The following AR variants were observed in gnomAD, a reference collection of about 807,000 sequenced individuals.
The protein encoded by AR is androgen receptor.
A neutral mutation model predicts 53.9 loss-of-function variants in AR; 8 were observed. That is an observed-to-expected ratio of 0.15 (90% CI 0.09 to 0.27). The LOEUF (loss-of-function observed/expected upper bound fraction) is 0.27, where lower values mean the gene tolerates loss of function less well. Ranked by LOEUF, AR falls within the 10% of genes least tolerant of loss-of-function variation. The probability of loss-of-function intolerance (pLI) is 1.00; values close to 1 mark genes in which losing one functional copy is unlikely to be tolerated. For synonymous variants in AR, 359 were observed against 316.4 expected (o/e 1.13, Z -1.43); for missense variants, 639 against 742.5 (o/e 0.86, Z 1.62).
At chrX:67,659,091 C>A (rs1028525295) in intron 2 of AR, among the ~76,000 whole-genome samples, 2 of 110,749 alleles carry the variant, frequency 1.8e-5, no homozygotes, top group African/African-American at 6.6e-5. Flanking sequence ...AAAAGAAAGG[C>A]CTCCTATGTT....
At chrX:67,630,494 A>G (rs1310980793) in intron 1 of AR, among the ~76,000 whole-genome samples, 6 of 110,536 alleles carry the variant, frequency 5.4e-5, no homozygotes, top group African/African-American at 1.7e-4. Context: ...TTTGCTTGGT[A>G]GATCTTCCTC....
chrX:67,687,636 C>T (rs1199716931), intron 3 of AR, among the ~76,000 whole-genome samples: 1 of 111,653 alleles, frequency 9.0e-6, no homozygotes, highest in Admixed American at 9.5e-5. Context: ...AAGTGATTGA[C>T]AAGAAAAAAT....
At chrX:67,675,153 G>T (rs1469517614) in intron 2 of AR, among the ~76,000 whole-genome samples, 2 of 109,191 alleles carry the variant, frequency 1.8e-5, no homozygotes, top group Non-Finnish European at 3.8e-5. Context: ...TACTGTGGCT[G>T]ATGTAGTATC....
In AR at chrX:67,728,615, A is replaced by ATATATATATATATATT. The variant is rs1555999011; in HGVS notation, c.*4774_*4775insTATATATATATATATT. 7 of 92,871 alleles carry ATATATATATATATATT rather than the reference A, an allele frequency of 7.5e-5. No individual in the cohort carries two copies. Among genetic ancestry groups the ATATATATATATATATT allele is most frequent in the Non-Finnish European group, 1.3e-4 (6 of 47,869 alleles). 7.7% of individuals were successfully genotyped at this position (92,871 alleles called of 1,213,427 possible). ...TATATATATATATATATATATATAT[A>ATATATATATATATATT]GTGTGTGTGTGTGTTCTGATAGCTT... On this transcript the variant is annotated 3_prime_UTR_variant, in exon 8 of 8. Coordinates refer to ENST00000374690, the MANE Select transcript of AR (RefSeq NM_000044.6).
At chrX:67,579,404 T>C (rs1922192147) in intron 1 of AR, among the ~76,000 whole-genome samples, 1 of 111,305 alleles carries the variant, frequency 9.0e-6, no homozygotes, top group Admixed American at 9.6e-5. Context: ...AGACTTTCTA[T>C]TGAAGCAATT....
At chrX:67,631,672 G>C (rs753423029) in intron 1 of AR, among the ~76,000 whole-genome samples, 2 of 112,465 alleles carry the variant, frequency 1.8e-5, no homozygotes, top group Non-Finnish European at 3.8e-5. Flanking sequence ...GCTTTGTTCC[G>C]TTGCTGGTGA....
intron 2 of AR, among the ~76,000 whole-genome samples, chrX:67,670,673 G>C (rs916469095): frequency 1.8e-5 from 2 of 109,726 alleles, no homozygotes; most frequent in Non-Finnish European, 1.9e-5. Flanking sequence ...AGGTATACTC[G>C]TGCCATGGTG....
At chrX:67,710,914 A>T (rs1281087933) in intron 3 of AR, among the ~76,000 whole-genome samples, 1 of 111,883 alleles carries the variant, frequency 8.9e-6, no homozygotes, top group Non-Finnish European at 1.9e-5. Flanking sequence ...TATTTTGTTG[A>T]TGCCTCCATT....
At chrX:67,703,892 A>G (rs960596451) in intron 3 of AR, among the ~76,000 whole-genome samples, 1 of 111,216 alleles carries the variant, frequency 9.0e-6, no homozygotes, top group Non-Finnish European at 1.9e-5. Flanking sequence ...GAGAACATGC[A>G]GTGTTTGGCT....
At chrX:67,555,164 G>A (rs1426215780) in intron 1 of AR, among the ~76,000 whole-genome samples, 4 of 110,555 alleles carry the variant, frequency 3.6e-5, no homozygotes, top group Non-Finnish European at 7.6e-5. Flanking sequence ...TGGATTGTAC[G>A]GTATGGATTT....
At chrX:67,713,629 G>A (rs985009308) in intron 4 of AR, among the ~76,000 whole-genome samples, 3 of 111,766 alleles carry the variant, frequency 2.7e-5, no homozygotes, top group African/African-American at 9.8e-5. Context: ...TAACTAACTT[G>A]CTCCATTTGG....
intron 1 of AR, among the ~76,000 whole-genome samples, chrX:67,624,404 A>AAG (rs1256487614): frequency 2.7e-5 from 3 of 111,940 alleles, no homozygotes; most frequent in African/African-American, 9.7e-5. Context: ...TCCCACAAAG[A>AAG]AAAGCCCAGG....
chrX:67,660,137 C>A (rs1236323202), intron 2 of AR, among the ~76,000 whole-genome samples: 1 of 111,894 alleles, frequency 8.9e-6, no homozygotes, highest in East Asian at 2.8e-4. Flanking sequence ...GAGTAGATTG[C>A]AAAAGTTTTC....
intron 5 of AR, among the ~76,000 whole-genome samples, chrX:67,719,308 T>C (rs2076126299): frequency 8.9e-6 from 1 of 112,312 alleles, no homozygotes; most frequent in African/African-American, 3.2e-5. Flanking sequence ...CTTAAACCCC[T>C]GCTGCCCTTA....
Position 67,694,843 on chromosome X carries a change from C to T in AR, c.1885+8717C>T, listed in dbSNP as rs767823290. On this transcript the variant is annotated intron_variant, in intron 3 of 7. Coordinates refer to ENST00000374690, the MANE Select transcript of AR (RefSeq NM_000044.6). ...TTTTGCTCCTCAACACAGACTTTGA[C>T]GTTGGGGTTGGGGGCTACTCTCTTG... 93 of 1,091,570 alleles carry T rather than the reference C, an allele frequency of 8.5e-5. No individual in the cohort carries two copies. The African/African-American group carries it at 1.4e-3, about 17-fold the overall frequency. The allele number at this position is 1,091,570 out of a possible 1,213,427, so 90.0% of individuals were successfully genotyped here.
chrX:67,580,806 T>G (rs757886023), intron 1 of AR, among the ~76,000 whole-genome samples: 1 of 111,767 alleles, frequency 8.9e-6, no homozygotes, highest in South Asian at 3.8e-4. Context: ...ATTATCCATT[T>G]TCCCCACTAG....
chrX:67,626,982 A>G (rs1410153244), intron 1 of AR, among the ~76,000 whole-genome samples: 1 of 105,678 alleles, frequency 9.5e-6, no homozygotes, highest in East Asian at 3.0e-4. Flanking sequence ...ATGGCTGCAT[A>G]GTATTCCATG....
chrX:67,586,547 G>A (rs971845186), intron 1 of AR, among the ~76,000 whole-genome samples: 1 of 112,122 alleles, frequency 8.9e-6, no homozygotes, highest in African/African-American at 3.2e-5. Context: ...TGGAACTCAT[G>A]CCCTTCGCAT....
chrX:67,708,802 C>T (rs1354991972), intron 3 of AR, among the ~76,000 whole-genome samples: 1 of 111,718 alleles, frequency 9.0e-6, no homozygotes, highest in Non-Finnish European at 1.9e-5. Flanking sequence ...ATGATGGTGA[C>T]ATACAGATGG....
Sources: gnomAD v4.1 joint callset for allele counts (sites outside exome capture counted in the v4.1 genomes callset) on GRCh38, gnomAD v4.1.1 for gene constraint, MANE v1.5 for transcripts, NCBI Gene and HGNC (gene_info 2026-07-23, HGNC 2026-07-21) for gene names.